Variants in IFNAR1 observed in about 807,000 individuals in gnomAD.
IFNAR1 encodes interferon alpha and beta receptor subunit 1.
A neutral mutation model predicts 62.1 loss-of-function variants in IFNAR1; 47 were observed. The ratio of observed to expected loss-of-function variants is 0.76; its 90% CI spans 0.60 to 0.97. IFNAR1 has a LOEUF of 0.97. Ranked by LOEUF, IFNAR1 falls within the 50% of genes least tolerant of loss-of-function variation. The pLI, the probability that IFNAR1 is intolerant of heterozygous loss-of-function variation, is 0.00. For missense variants in IFNAR1, 638 were observed against 654.5 expected, an observed-to-expected ratio of 0.97 and a Z score of 0.27; for synonymous variants, 219 against 226.9, an observed-to-expected ratio of 0.97 and a Z score of 0.31.
rs893026201 is a variant in IFNAR1, at chr21:33,332,101, A to G, written c.77-3423A>G. On this transcript the variant is annotated intron_variant, in intron 1 of 10. Coordinates refer to ENST00000270139, the MANE Select transcript of IFNAR1 (RefSeq NM_000629.3). ...TGGAATCAAGAGCTGCTGCAGCTGC[A>G]TATATATAGCCCCTGTCAGACCTGA... Among the ~76,000 whole-genome samples the G allele has an allele frequency of 4.6e-5, 7 of 152,316 alleles. No individual in the cohort carries two copies. The South Asian group carries it at 1.2e-3, about 27-fold the overall frequency.
At chr21:33,348,348 G>A (rs2083368236) in intron 6 of IFNAR1, among the ~76,000 whole-genome samples, 1 of 152,140 alleles carries the variant, frequency 6.6e-6, no homozygotes, top group African/African-American at 2.4e-5. Flanking sequence ...CCCTGAATAT[G>A]GAGTTGGGAA....
chr21:33,344,765 C>CTTACTTATTTAT (rs1555875101), intron 5 of IFNAR1, among the ~76,000 whole-genome samples: 1 of 122,026 alleles, frequency 8.2e-6, no homozygotes, highest in African/African-American at 2.8e-5. Context: ...TTCTTTTTTA[C>CTTACTTATTTAT]TTATTTATTT....
rs765102932 is a variant in IFNAR1, at chr21:33,355,525, A to C, written c.1650A>C (p.Glu550Asp). The C allele has an allele frequency of 8.8e-6, 14 of 1,595,250 alleles. No individual in the cohort carries two copies. In the East Asian group the frequency reaches 1.6e-4, roughly 18 times the overall value. The change falls in exon 11 of 11, where the codon GAA becomes GAC. Residue 550 changes from glutamate to aspartate, a missense_variant. By Grantham distance (45) the Glu-to-Asp change is conservative (BLOSUM62 2). Coordinates refer to ENST00000270139, the MANE Select transcript of IFNAR1 (RefSeq NM_000629.3). Reference sequence around the variant, plus strand: ...ATGAAAGCGAAAGTAAAACAAGTGAAGAACTACAGCAGGACTTTGTATGAC... The same window carrying C: ...ATGAAAGCGAAAGTAAAACAAGTGACGAACTACAGCAGGACTTTGTATGAC... ...NEDESESKTS[E>D]ELQQDFV
At chr21:33,324,902 T>TGTGTGTGTGTGTGTGTGTGG, upstream of IFNAR1, 1 of 642,912 alleles carries the variant, frequency 1.6e-6, no homozygotes, top group East Asian at 2.8e-5. Context: ...GGTGTGTGTG[T>TGTGTGTGTGTGTGTGTGTGG]CAGAAGAGGC....
intron 2 of IFNAR1, among the ~76,000 whole-genome samples, chr21:33,337,756 A>AGATTGT (rs2083255948): frequency 6.6e-6 from 1 of 152,020 alleles, no homozygotes; most frequent in African/African-American, 2.4e-5. Flanking sequence ...ACATATACAC[A>AGATTGT]CTATATATAC....
chr21:33,343,124 A>T (rs896247267), intron 3 of IFNAR1, 144 bp from the exon 4 acceptor site: 1 of 644,012 alleles, frequency 1.6e-6, no homozygotes, highest in Non-Finnish European at 2.7e-6. Flanking sequence ...TCCACTGGTG[A>T]TCTTACAGCT....
At chr21:33,350,344 A>T (rs1052110827) in intron 8 of IFNAR1, among the ~76,000 whole-genome samples, 5 of 151,642 alleles carry the variant, frequency 3.3e-5, no homozygotes, top group African/African-American at 4.8e-5. Flanking sequence ...ATTGGTTCTT[A>T]TGGGACAAAA....
At chr21:33,340,410 G>C (rs2083282653) in intron 2 of IFNAR1, among the ~76,000 whole-genome samples, 1 of 152,078 alleles carries the variant, frequency 6.6e-6, no homozygotes, top group African/African-American at 2.4e-5. Context: ...GGAGTGCAGT[G>C]ATATGATCAT....
In IFNAR1 at chr21:33,345,089, G is replaced by A. The variant is rs147448931; in HGVS notation, c.674-157G>A. 5.2e-3 allele frequency among the ~76,000 whole-genome samples: 789 copies of A among 152,238 alleles called. 10 individuals are homozygous for A. The highest frequency in any genetic ancestry group is 0.018 in the African/African-American group (744 of 41,544). ...AGGTGTGAGCCACTGCGCCCGGCCT[G>A]TAGTCTTTCAAATGGCTGCATAGTA... On this transcript the variant is annotated intron_variant, in intron 5 of 10. Transcript: ENST00000270139.
In IFNAR1 at chr21:33,359,651, A is replaced by C. The variant is rs1652300838; in HGVS notation, c.*4102A>C. On this transcript the variant is annotated 3_prime_UTR_variant, in exon 11 of 11. Transcript: ENST00000270139. ...TTAGTTCGTTCCAAGGAGGCTCTTCAGTCTCACAGATAAGTAGATCTCTCC... is the reference window on the plus strand; with the variant it reads ...TTAGTTCGTTCCAAGGAGGCTCTTCCGTCTCACAGATAAGTAGATCTCTCC... The C allele has an allele frequency of 6.6e-6, 1 of 152,204 alleles. No homozygotes were observed. Among genetic ancestry groups the C allele is most frequent in the South Asian group, 2.1e-4 (1 of 4,830 alleles). The allele number at this position is 152,204 out of a possible 1,614,324, so 9.4% of individuals were successfully genotyped here.
intron 1 of IFNAR1, among the ~76,000 whole-genome samples, chr21:33,334,285 A>G (rs915449406): frequency 6.6e-6 from 1 of 152,228 alleles, no homozygotes; most frequent in Non-Finnish European, 1.5e-5. Context: ...AACTCCAAGT[A>G]CAGTGAACTC....
intron 1 of IFNAR1, among the ~76,000 whole-genome samples, chr21:33,332,416 G>A (rs1476210466): frequency 6.6e-6 from 1 of 152,166 alleles, no homozygotes; most frequent in Non-Finnish European, 1.5e-5. Context: ...GCCACTGTCT[G>A]TAAAGTTTGG....
intron 6 of IFNAR1, among the ~76,000 whole-genome samples, chr21:33,347,389 C>T (rs2123257199): frequency 6.6e-6 from 1 of 152,238 alleles, no homozygotes; most frequent in South Asian, 2.1e-4. Context: ...CTCAGCCTCC[C>T]AAAGTTCTGG....
At chr21:33,326,133 T>A (rs1374382442) in intron 1 of IFNAR1, among the ~76,000 whole-genome samples, 1 of 152,206 alleles carries the variant, frequency 6.6e-6, no homozygotes, top group African/African-American at 2.4e-5. Flanking sequence ...ATAGTCATAC[T>A]TTTTAAACTA....
chr21:33,334,560 C>G (rs2083214891), intron 1 of IFNAR1: 1 of 527,258 alleles, frequency 1.9e-6, no homozygotes, highest in South Asian at 1.7e-5. Flanking sequence ...TAGAACTGCC[C>G]TGCGAGAAAT....
chr21:33,328,953 T>G (rs1021072714), intron 1 of IFNAR1, among the ~76,000 whole-genome samples: 2 of 152,048 alleles, frequency 1.3e-5, no homozygotes, highest in Non-Finnish European at 2.9e-5. Context: ...TACATAACAA[T>G]TTATGAAAAA....
chr21:33,341,082 A>G lies in IFNAR1; in HGVS notation c.284A>G (p.Asn95Ser), dbSNP rs199975677. ...TGCAACTTTTCTTCACTCAAGCTGA[A>G]TGTTTATGAAGAAATTAAATTGCGT... ...TKCNFSSLKL[N>S]VYEEIKLRIR... is the part of the protein sequence containing the mutation. Residue 95 changes from asparagine (N) to serine (S), a missense_variant, in exon 3 of 11, where the codon AAT (asparagine) becomes AGT (serine). Physicochemically the swap from Asn to Ser is conservative, Grantham distance 46. Coordinates refer to ENST00000270139, the MANE Select transcript of IFNAR1 (RefSeq NM_000629.3). The G allele has an allele frequency of 3.1e-4, 507 of 1,612,456 alleles. No individual in the cohort carries two copies. The highest frequency in any genetic ancestry group is 3.9e-4 in the Non-Finnish European group (461 of 1,178,592).
chr21:33,339,303 C>G (rs1457760846), intron 2 of IFNAR1, among the ~76,000 whole-genome samples: 1 of 152,094 alleles, frequency 6.6e-6, no homozygotes, highest in Non-Finnish European at 1.5e-5. Flanking sequence ...AATGCCAGCT[C>G]TAATCTCAGG....
rs540121721 is a variant in IFNAR1, at chr21:33,326,126, G to T, written c.76+995G>T. 2.7e-4 allele frequency among the ~76,000 whole-genome samples: 41 copies of T among 152,094 alleles called. No homozygotes were observed. The East Asian group carries it at 6.0e-3, about 22-fold the overall frequency. ...CAGTCTTTCAGAAGTCATAAAAATA[G>T]TCATACTTTTTAAACTAGTAAATGC... is the stretch of plus-strand genomic sequence containing the variant. On this transcript the variant is annotated intron_variant, in intron 1 of 10. Transcript: ENST00000270139.
Sources: allele counts gnomAD v4.1 joint callset (sites outside exome capture counted in the v4.1 genomes callset), GRCh38; gene constraint gnomAD v4.1.1; transcripts MANE v1.5; gene names NCBI Gene and HGNC (gene_info 2026-07-23, HGNC 2026-07-21).